Variants in ADAM22 observed in about 807,000 individuals in gnomAD.
ADAM22 encodes the protein ADAM metallopeptidase domain 22.
ADAM22 carries 65 observed loss-of-function variants against 144.6 expected under a neutral mutation model. The observed-to-expected ratio is 0.45, with a 90% CI of 0.37 to 0.55. ADAM22 has a LOEUF of 0.55. ADAM22 is among the 20% of genes least tolerant of loss of function. ADAM22 has a pLI of 0.00. For synonymous variants in ADAM22, 391 were observed against 412.6 expected, an observed-to-expected ratio of 0.95 and a Z score of 0.63; for missense variants, 974 against 1,184.9, an observed-to-expected ratio of 0.82 and a Z score of 2.61.
intron 2 of ADAM22, among the ~76,000 whole-genome samples, chr7:87,941,547 T>C (rs1051917381): frequency 4.6e-5 from 7 of 152,140 alleles, no homozygotes; most frequent in African/African-American, 1.2e-4. Flanking sequence ...TGGCTCAATA[T>C]TGATAACCTT....
chr7:88,139,596 C>G (rs1834019546), intron 14 of ADAM22, among the ~76,000 whole-genome samples: 1 of 152,010 alleles, frequency 6.6e-6, no homozygotes, highest in African/African-American at 2.4e-5. Flanking sequence ...ATATTGTTAC[C>G]ATGAAACAGA....
rs751965106 is a variant in ADAM22 at position 87,934,464 on chromosome 7, C to T, written c.-2C>T. ...CGGGCGAGGCGGGCTGACGGCAGCA[C>T]CATGCAGGCGGCAGTGGCTGTGTCC... On this transcript the variant is annotated 5_prime_UTR_variant, in exon 1 of 32. Coordinates refer to ENST00000413139, the MANE Select transcript of ADAM22 (RefSeq NM_001324418.2). The T allele has an allele frequency of 1.2e-5, 19 of 1,594,856 alleles. No individual in the cohort carries two copies. Among genetic ancestry groups the T allele is most frequent in the Middle Eastern group, 1.7e-4 (1 of 5,860 alleles).
rs1344120395 is a variant in ADAM22 at position 88,200,157 on chromosome 7, C to CT, written c.*3672dup. 1 of 152,052 alleles carries CT rather than the reference C, an allele frequency of 6.6e-6. No individual in the cohort carries two copies. Among genetic ancestry groups the CT allele is most frequent in the Non-Finnish European group, 1.5e-5 (1 of 68,010 alleles). 9.4% of individuals were successfully genotyped at this position (152,052 alleles called of 1,614,324 possible). On this transcript the variant is annotated 3_prime_UTR_variant, in exon 32 of 32. Coordinates refer to ENST00000413139, the MANE Select transcript of ADAM22 (RefSeq NM_001324418.2). ...AGAAGATATATGGTATTTTTATTCA[C>CT]TTTTTTCAGTGTTTTAAAATAAGGT...
chr7:87,960,266 T>C (rs966372906), intron 2 of ADAM22, among the ~76,000 whole-genome samples: 1 of 152,200 alleles, frequency 6.6e-6, no homozygotes, highest in Non-Finnish European at 1.5e-5. Flanking sequence ...TTAGAAGAAG[T>C]CCATATGCTT....
chr7:87,938,647 ATTTATTTTT>A, intron 2 of ADAM22, among the ~76,000 whole-genome samples: 1 of 151,220 alleles, frequency 6.6e-6, no homozygotes, highest in East Asian at 2.0e-4. Flanking sequence ...TATTTATTTT[ATTTATTTTT>A]TTCTTTTGAG....
chr7:88,152,354 GAT>G (rs1491385127), intron 20 of ADAM22, among the ~76,000 whole-genome samples: 1 of 152,040 alleles, frequency 6.6e-6, no homozygotes, highest in African/African-American at 2.4e-5. Context: ...TTTTAGAAAA[GAT>G]AAAAGCCTGA....
At chr7:87,958,142 T>C (rs1302358731) in intron 2 of ADAM22, among the ~76,000 whole-genome samples, 1 of 152,200 alleles carries the variant, frequency 6.6e-6, no homozygotes, top group African/African-American at 2.4e-5. Flanking sequence ...TTCGCTGTTA[T>C]AAGCAGTATA....
At chr7:88,014,787 A>G (rs1477767397) in intron 3 of ADAM22, among the ~76,000 whole-genome samples, 2 of 152,232 alleles carry the variant, frequency 1.3e-5, no homozygotes, top group Admixed American at 6.5e-5. Flanking sequence ...TTACCAAGTC[A>G]TCATTCCATT....
intron 2 of ADAM22, among the ~76,000 whole-genome samples, chr7:87,954,042 C>T (rs200984138): frequency 2.0e-5 from 3 of 151,770 alleles, no homozygotes; most frequent in African/African-American, 7.3e-5. Context: ...GTGTCTCTGC[C>T]CGTGAGATGG....
At chr7:88,114,744 A>AT in intron 6 of ADAM22, 97 bp downstream of exon 6, 1 of 1,177,806 alleles carries the variant, frequency 8.5e-7, no homozygotes, top group Admixed American at 2.3e-5. Flanking sequence ...TCATTTTTAT[A>AT]TTTTTTAGGG....
At chr7:88,182,877 T>C (rs1188589380) in intron 29 of ADAM22, among the ~76,000 whole-genome samples, 1 of 152,192 alleles carries the variant, frequency 6.6e-6, no homozygotes, top group Non-Finnish European at 1.5e-5. Context: ...TACTTATTTC[T>C]CACTCTAGCG....
intron 3 of ADAM22, among the ~76,000 whole-genome samples, chr7:87,981,054 T>C (rs1244008835): frequency 1.3e-5 from 2 of 152,146 alleles, no homozygotes; most frequent in Non-Finnish European, 2.9e-5. Flanking sequence ...TTTTTTTTTC[T>C]TGTACATCTC....
At chr7:88,180,350 T>C (rs544778139) in intron 27 of ADAM22, among the ~76,000 whole-genome samples, 1 of 152,194 alleles carries the variant, frequency 6.6e-6, no homozygotes, top group East Asian at 1.9e-4. Flanking sequence ...TTAAACAACA[T>C]GGTAAATTAG....
At position 88,168,238 on chromosome 7, in the gene ADAM22, T is replaced by A; in HGVS notation, c.2282+11T>A. 3 of 1,607,262 alleles carry A rather than the reference T, an allele frequency of 1.9e-6. No homozygotes were observed. The highest frequency in any genetic ancestry group is 2.6e-6 in the Non-Finnish European group (3 of 1,174,242). On this transcript the variant is annotated intron_variant, in intron 25 of 31. Coordinates refer to ENST00000413139, the MANE Select transcript of ADAM22 (RefSeq NM_001324418.2). ...TGCGTGGGGTTATAAGTAAGTGAAA[T>A]GTCTCAGTCTTGTTACTATTGAAAT...
intron 30 of ADAM22, among the ~76,000 whole-genome samples, chr7:88,190,777 C>T (rs1364541830): frequency 6.6e-6 from 1 of 152,084 alleles, no homozygotes; most frequent in Non-Finnish European, 1.5e-5. Context: ...TTTTACCGTA[C>T]CGTGTTCTCT....
In ADAM22 at chr7:88,082,096, G is replaced by T. The variant is rs1385443299; in HGVS notation, c.390+6404G>T. On this transcript the variant is annotated intron_variant, in intron 4 of 31. Transcript: ENST00000413139. ...ACCTGACTTCAAACTATACTACAAG[G>T]CTACAGTAACCAAAACAGTATGGTA... Among the ~76,000 whole-genome samples the T allele has an allele frequency of 3.3e-5, 5 of 152,050 alleles. No individual in the cohort carries two copies. In the South Asian group the frequency reaches 8.3e-4, roughly 25 times the overall value.
chr7:88,111,049 C>T (rs562211079), intron 5 of ADAM22, among the ~76,000 whole-genome samples: 4 of 151,220 alleles, frequency 2.6e-5, no homozygotes, highest in African/African-American at 9.7e-5. Context: ...TTTTATATCT[C>T]CTTTTAAGAA....
intron 3 of ADAM22, among the ~76,000 whole-genome samples, chr7:88,043,576 C>G (rs1482695952): frequency 6.6e-6 from 1 of 151,534 alleles, no homozygotes; most frequent in African/African-American, 2.4e-5. Flanking sequence ...GTCTCAGTGG[C>G]ATGCGCATGT....
intron 2 of ADAM22, among the ~76,000 whole-genome samples, chr7:87,973,738 C>A (rs1185475922): frequency 1.3e-5 from 2 of 152,158 alleles, no homozygotes; most frequent in Non-Finnish European, 2.9e-5. Context: ...CACATATACA[C>A]CATGGAATAC....
Sources: gnomAD v4.1 joint callset for allele counts (sites outside exome capture counted in the v4.1 genomes callset) on GRCh38, gnomAD v4.1.1 for gene constraint, MANE v1.5 for transcripts, NCBI Gene and HGNC (gene_info 2026-07-23, HGNC 2026-07-21) for gene names.